The following RAB11FIP4 variants were observed in gnomAD, a reference collection of about 807,000 sequenced individuals.
RAB11FIP4 encodes RAB11 family interacting protein 4.
A neutral mutation model predicts 74.3 loss-of-function variants in RAB11FIP4; 23 were observed. That is an observed-to-expected ratio of 0.31 (90% CI 0.22 to 0.44). The LOEUF is 0.44. RAB11FIP4 is among the 20% of genes least tolerant of loss of function. The pLI, the probability that RAB11FIP4 is intolerant of heterozygous loss-of-function variation, is 1.00. For missense variants in RAB11FIP4, 630 were observed against 863.9 expected (o/e 0.73, Z 3.39); for synonymous variants, 360 against 359.9 (o/e 1.00, Z 0.00).
intron 3 of RAB11FIP4, among the ~76,000 whole-genome samples, chr17:31,502,827 T>A (rs147806960): frequency 1.3e-5 from 2 of 152,200 alleles, no homozygotes; most frequent in African/African-American, 4.8e-5. Flanking sequence ...GAGGCTGAAG[T>A]CTAGCATCAA....
rs35484019 is a variant in RAB11FIP4, at chr17:31,441,518, TTTTATTTATTTA to T, written c.336+7411_336+7422del. Among the ~76,000 whole-genome samples, 230 of 150,970 alleles carry T rather than the reference TTTTATTTATTTA, an allele frequency of 1.5e-3. 1 individual carries two copies. Among genetic ancestry groups the T allele is most frequent in the African/African-American group, 5.2e-3 (212 of 41,004 alleles). ...TGATAACCCTATTAAACTCTCCTTA[TTTTATTTATTTA>T]TTTATTTATTTATTGAAACAGGGTC... On this transcript the variant is annotated intron_variant, in intron 3 of 14. Transcript: ENST00000621161.
At chr17:31,458,354 A>G (rs2071600533) in intron 3 of RAB11FIP4, among the ~76,000 whole-genome samples, 1 of 152,054 alleles carries the variant, frequency 6.6e-6, no homozygotes, top group Non-Finnish European at 1.5e-5. Context: ...ACCATCTTCT[A>G]CCCAGAGGCA....
intron 3 of RAB11FIP4, among the ~76,000 whole-genome samples, chr17:31,468,691 G>A (rs1401003266): frequency 3.3e-5 from 5 of 152,130 alleles, no homozygotes; most frequent in Admixed American, 6.6e-5. Context: ...TTAGCTGGGT[G>A]TGGTGGTGGG....
chr17:31,525,581 G>C (rs758738626), intron 10 of RAB11FIP4: 2 of 261,872 alleles, frequency 7.6e-6, no homozygotes, highest in Non-Finnish European at 1.5e-5. Context: ...AGAGCCCCAG[G>C]GCCAAGGTAA....
chr17:31,438,091 T>G (rs1005293932), intron 3 of RAB11FIP4, among the ~76,000 whole-genome samples: 1 of 152,068 alleles, frequency 6.6e-6, no homozygotes, highest in Non-Finnish European at 1.5e-5. Context: ...CTCCCCAGGT[T>G]CCCTGGGTCC....
intron 3 of RAB11FIP4, among the ~76,000 whole-genome samples, chr17:31,467,393 A>T (rs2071695945): frequency 1.3e-5 from 2 of 152,198 alleles, no homozygotes; most frequent in African/African-American, 2.4e-5. Flanking sequence ...TGCTGAGAAT[A>T]CAGGCGTGAG....
Position 31,484,889 on chromosome 17 carries a change from T to C in RAB11FIP4, c.337-32762T>C, listed in dbSNP as rs756875084. Reference sequence around the variant, plus strand: ...TTCTAAAATACATACTATTATTATCTCCAATTTAAAGATGAGGAAATTGAG... The same window carrying C: ...TTCTAAAATACATACTATTATTATCCCCAATTTAAAGATGAGGAAATTGAG... On this transcript the variant is annotated intron_variant, in intron 3 of 14. Transcript: ENST00000621161. Among the ~76,000 whole-genome samples the C allele has an allele frequency of 7.2e-5, 11 of 152,196 alleles. No homozygotes were observed. The South Asian group carries it at 8.3e-4, about 11-fold the overall frequency.
chr17:31,416,851 G>A (rs953816945), intron 1 of RAB11FIP4, among the ~76,000 whole-genome samples: 5 of 152,104 alleles, frequency 3.3e-5, no homozygotes, highest in Admixed American at 6.5e-5. Flanking sequence ...TGAGTGCTTC[G>A]AAGGCTGCCT....
In RAB11FIP4 at chr17:31,480,074, G is replaced by A. The variant is rs958309615; in HGVS notation, c.337-37577G>A. ...TTGACTGAGGAGGAAACTGAGGCTC[G>A]GTGAAGTTACTTGCCTTTAGCCAAT... On this transcript the variant is annotated intron_variant, in intron 3 of 14. Coordinates refer to ENST00000621161, the MANE Select transcript of RAB11FIP4 (RefSeq NM_032932.6). 8.5e-5 allele frequency among the ~76,000 whole-genome samples: 13 copies of A among 152,104 alleles called. 1 individual carries two copies. Among genetic ancestry groups the A allele is most frequent in the Middle Eastern group, 3.2e-3 (1 of 316 alleles).
At chr17:31,418,388 C>G (rs937373646) in intron 1 of RAB11FIP4, among the ~76,000 whole-genome samples, 6 of 149,208 alleles carry the variant, frequency 4.0e-5, no homozygotes, top group Admixed American at 4.0e-4. Context: ...GACTTCGTCT[C>G]AAAAAAATAA....
At position 31,412,190 on chromosome 17, in the gene RAB11FIP4, C is replaced by T. The variant is rs1184107498; in HGVS notation, c.160-19623C>T. Among the ~76,000 whole-genome samples the T allele has an allele frequency of 2.6e-5, 4 of 152,174 alleles. 1 individual carries two copies. In the South Asian group the frequency reaches 6.2e-4, roughly 24 times the overall value. On this transcript the variant is annotated intron_variant, in intron 1 of 14. Transcript: ENST00000621161. Reference sequence around the variant, plus strand: ...ACAGTTCATCCTCTAGGGGTGACTGCGCACACCACCACCCTCCTCTCACAC... The same window carrying T: ...ACAGTTCATCCTCTAGGGGTGACTGTGCACACCACCACCCTCCTCTCACAC...
intron 1 of RAB11FIP4, among the ~76,000 whole-genome samples, chr17:31,406,466 T>C (rs746335009): frequency 4.3e-4 from 66 of 152,252 alleles, no homozygotes; most frequent in Admixed American, 3.9e-4. Context: ...CTCCTCCTTC[T>C]GTCTCCCCTG....
intron 3 of RAB11FIP4, among the ~76,000 whole-genome samples, chr17:31,438,791 G>A (rs2071383751): frequency 6.6e-6 from 1 of 152,118 alleles, no homozygotes; most frequent in Admixed American, 6.6e-5. Flanking sequence ...CCGCTTCCTT[G>A]TCAGGAGCTA....
intron 3 of RAB11FIP4, among the ~76,000 whole-genome samples, chr17:31,438,283 C>A (rs916030232): frequency 6.6e-6 from 1 of 152,058 alleles, no homozygotes; most frequent in Non-Finnish European, 1.5e-5. Context: ...CCGTGGTCAC[C>A]CCTCAGCAGG....
intron 3 of RAB11FIP4, among the ~76,000 whole-genome samples, chr17:31,516,625 TCG>T (rs2072553752): frequency 6.6e-6 from 1 of 152,100 alleles, no homozygotes. Flanking sequence ...ATGCGCCACC[TCG>T]CCCAGCTAAT....
chr17:31,407,040 A>ATTTTTTTTTTTTTTTTTTTTTTTTT (rs59919036), intron 1 of RAB11FIP4, among the ~76,000 whole-genome samples: 2 of 51,208 alleles, frequency 3.9e-5, no homozygotes, highest in Non-Finnish European at 6.9e-5. Context: ...GTTTCACTTG[A>ATTTTTTTTTTTTTTTTTTTTTTTTT]TTTTTTTTTT....
chr17:31,398,790 G>A (rs749486438), intron 1 of RAB11FIP4, among the ~76,000 whole-genome samples: 1 of 152,228 alleles, frequency 6.6e-6, no homozygotes, highest in Non-Finnish European at 1.5e-5. Context: ...CGGACAGAGG[G>A]AGGAGAGGCT....
intron 3 of RAB11FIP4, among the ~76,000 whole-genome samples, chr17:31,449,372 C>T (rs2071502141): frequency 6.6e-6 from 1 of 152,176 alleles, no homozygotes; most frequent in Non-Finnish European, 1.5e-5. Context: ...TAATAATGCC[C>T]TTCCCATGGG....
intron 1 of RAB11FIP4, among the ~76,000 whole-genome samples, chr17:31,407,039 G>GTTTTT (rs2071048730): frequency 1.6e-5 from 1 of 62,780 alleles, no homozygotes; most frequent in Non-Finnish European, 3.4e-5. Context: ...TGTTTCACTT[G>GTTTTT]ATTTTTTTTT....
Sources: gnomAD v4.1 joint callset for allele counts (sites outside exome capture counted in the v4.1 genomes callset) on GRCh38, gnomAD v4.1.1 for gene constraint, MANE v1.5 for transcripts, NCBI Gene and HGNC (gene_info 2026-07-23, HGNC 2026-07-21) for gene names.